SHROOM4: variants seen among roughly 807,000 people sequenced by gnomAD.
SHROOM4 encodes the protein shroom family member 4, also known as protein Shroom4.
SHROOM4 carries 17 observed loss-of-function variants against 80.3 expected under a neutral mutation model. That is an observed-to-expected ratio of 0.21 (90% CI 0.14 to 0.32). The LOEUF (loss-of-function observed/expected upper bound fraction) is 0.32. Among genes scored for constraint, SHROOM4 ranks in the 10% least tolerant of loss-of-function variants. The pLI, the probability that SHROOM4 is intolerant of heterozygous loss-of-function variation, is 1.00. For synonymous variants in SHROOM4, 400 were observed against 437.5 expected (o/e 0.91, Z 1.07); for missense variants, 993 against 1,140.3 (o/e 0.87, Z 1.86).
At chrX:50,656,352 C>G (rs1229807757) in intron 2 of SHROOM4, among the ~76,000 whole-genome samples, 1 of 111,835 alleles carries the variant, frequency 8.9e-6, no homozygotes, top group Non-Finnish European at 1.9e-5. Flanking sequence ...AAAAGCTTTT[C>G]CATATGTTTC....
chrX:50,643,910 A>G lies in SHROOM4; in HGVS notation c.270-5602T>C, dbSNP rs782211034. Among the ~76,000 whole-genome samples the G allele has an allele frequency of 2.0e-3, 223 of 113,031 alleles. 2 individuals are homozygous for G. Among genetic ancestry groups the G allele is most frequent in the Admixed American group, 5.4e-3 (58 of 10,765 alleles). ...AGAGAGAAAAATACCCCAGACACAT[A>G]CACTTAAAAGAATTCCTGTGCTTCC... On this transcript the variant is annotated intron_variant, in intron 2 of 8. Transcript: ENST00000376020.
At position 50,633,881 on chromosome X, in the gene SHROOM4, T is replaced by C. The variant is rs144727288; in HGVS notation, c.2192A>G (p.Glu731Gly). 2.3e-3 allele frequency: 2,735 copies of C among 1,210,477 alleles called. 6 individuals are homozygous for C. The highest frequency in any genetic ancestry group is 2.7e-3 in the Non-Finnish European group (2,456 of 895,337). Residue 731 changes from glutamate to glycine, a missense_variant, in exon 4 of 9, where the codon GAG (glutamate) becomes GGG (glycine). Transcript: ENST00000376020. Reference sequence around the variant, plus strand: ...TGCCACAAGTGGCTGTGAATTATGCTCTGGAGACCATCTCCAATGACCTCC... The same window carrying C: ...TGCCACAAGTGGCTGTGAATTATGCCCTGGAGACCATCTCCAATGACCTCC... Reference protein sequence around the residue: ...VRGGHWRWSPEHNSQPLVAAA... With the variant: ...VRGGHWRWSPGHNSQPLVAAA...
chrX:50,716,893 C>A (rs1933968366), intron 1 of SHROOM4, among the ~76,000 whole-genome samples: 1 of 112,654 alleles, frequency 8.9e-6, no homozygotes, highest in African/African-American at 3.2e-5. Context: ...AATCTTAAAG[C>A]CTGCCTCTTC....
intron 2 of SHROOM4, among the ~76,000 whole-genome samples, chrX:50,670,925 T>C (rs1446354568): frequency 1.8e-5 from 2 of 111,972 alleles, no homozygotes; most frequent in Non-Finnish European, 3.8e-5. Context: ...GGAGTGTCTG[T>C]TGATATCTTT....
chrX:50,758,674 C>A (rs1199243126), intron 1 of SHROOM4, among the ~76,000 whole-genome samples: 1 of 111,848 alleles, frequency 8.9e-6, no homozygotes, highest in African/African-American at 3.2e-5. Context: ...CTATAGTTTT[C>A]TTTTCTTGTA....
At chrX:50,715,308 C>T (rs1215234379) in intron 1 of SHROOM4, among the ~76,000 whole-genome samples, 1 of 111,048 alleles carries the variant, frequency 9.0e-6, no homozygotes, top group Non-Finnish European at 1.9e-5. Context: ...GTGTCCCCTG[C>T]TCTACTGGGC....
At chrX:50,737,424 A>G (rs1934521984) in intron 1 of SHROOM4, among the ~76,000 whole-genome samples, 1 of 111,739 alleles carries the variant, frequency 8.9e-6, no homozygotes, top group Admixed American at 9.5e-5. Flanking sequence ...CAGATTGGAT[A>G]AGAAAACAAG....
intron 2 of SHROOM4, among the ~76,000 whole-genome samples, chrX:50,671,257 A>G (rs782193917): frequency 9.0e-6 from 1 of 111,668 alleles, no homozygotes; most frequent in Non-Finnish European, 1.9e-5. Context: ...GGATTTTTGG[A>G]ATGGTAAATG....
intron 1 of SHROOM4, among the ~76,000 whole-genome samples, chrX:50,795,187 C>A (rs1557272027): frequency 8.9e-5 from 7 of 79,049 alleles, no homozygotes; most frequent in Admixed American, 4.6e-4. Flanking sequence ...TATATAAAAC[C>A]ATGGATAACA....
intron 1 of SHROOM4, among the ~76,000 whole-genome samples, chrX:50,772,141 A>C (rs1935408484): frequency 1.8e-5 from 2 of 110,978 alleles, no homozygotes; most frequent in South Asian, 7.6e-4. Flanking sequence ...TTTCTTCTTT[A>C]AACTTCTGTG....
intron 3 of SHROOM4, 33 bp from the exon 4 acceptor site, chrX:50,635,701 G>A (rs782288972): frequency 2.0e-5 from 23 of 1,173,007 alleles, no homozygotes; most frequent in South Asian, 5.5e-5. Context: ...GTTAGTTAGC[G>A]AAGTCATGGC....
In SHROOM4 at chrX:50,681,783, C is replaced by T. The variant is rs141165622; in HGVS notation, c.269+14003G>A. Among the ~76,000 whole-genome samples the T allele has an allele frequency of 2.5e-4, 28 of 112,282 alleles. No homozygotes were observed. The East Asian group carries it at 7.8e-3, about 31-fold the overall frequency. ...AGGCTATTTTGTTCACTGATATACC[C>T]CCAGTTCCTAAAATAGTACCCGACA... On this transcript the variant is annotated intron_variant, in intron 2 of 8. Transcript: ENST00000376020.
intron 6 of SHROOM4, among the ~76,000 whole-genome samples, chrX:50,606,170 C>T (rs1448823263): frequency 3.8e-5 from 4 of 106,579 alleles, no homozygotes; most frequent in South Asian, 4.3e-4. Flanking sequence ...CATGCTGGTG[C>T]GCTGCACCCA....
At chrX:50,739,412 A>C (rs1334035252) in intron 1 of SHROOM4, among the ~76,000 whole-genome samples, 2 of 111,584 alleles carry the variant, frequency 1.8e-5, no homozygotes, top group African/African-American at 6.5e-5. Context: ...GAATGGGAGA[A>C]AATTTTTGCA....
intron 2 of SHROOM4, among the ~76,000 whole-genome samples, chrX:50,659,331 G>A (rs12010533): frequency 2.7e-5 from 3 of 111,033 alleles, no homozygotes; most frequent in Non-Finnish European, 5.7e-5. Flanking sequence ...ATAATGCAGG[G>A]ATAGAGTAGA....
At chrX:50,681,548 A>T (rs1168598018) in intron 2 of SHROOM4, among the ~76,000 whole-genome samples, 1 of 111,769 alleles carries the variant, frequency 8.9e-6, no homozygotes, top group African/African-American at 3.3e-5. Flanking sequence ...TCTTGGTTCA[A>T]ATATCTTCAT....
chrX:50,679,568 T>C (rs1321260540), intron 2 of SHROOM4, among the ~76,000 whole-genome samples: 1 of 111,819 alleles, frequency 8.9e-6, no homozygotes, highest in Non-Finnish European at 1.9e-5. Context: ...TGTATTTTTA[T>C]AGATACATAA....
rs1557255220 is a variant in SHROOM4, at chrX:50,634,523, C to G, written c.1550G>C (p.Arg517Thr). 1 of 1,211,652 alleles carries G rather than the reference C, an allele frequency of 8.3e-7. No homozygotes were observed. The highest frequency in any genetic ancestry group is 1.1e-6 in the Non-Finnish European group (1 of 895,551). Reference sequence around the variant, plus strand: ...CTGGTTGGCCAATTCACTGGCTGCTCTGCTTGTTCTGTTTGGGTCCAGGAA... The same window carrying G: ...CTGGTTGGCCAATTCACTGGCTGCTGTGCTTGTTCTGTTTGGGTCCAGGAA... The part of the protein sequence containing the change: ...KGFLDPNRTS[R>T]AASELANQQP... Residue 517 changes from arginine (R) to threonine (T), a missense_variant, in exon 4 of 9, where the codon AGA becomes ACA. By Grantham distance (71) the Arg-to-Thr change is moderately conservative. Coordinates refer to ENST00000376020, the MANE Select transcript of SHROOM4 (RefSeq NM_020717.5).
intron 1 of SHROOM4, among the ~76,000 whole-genome samples, chrX:50,723,679 T>C (rs944696435): frequency 1.1e-4 from 12 of 111,232 alleles, no homozygotes; most frequent in Admixed American, 2.8e-4. Context: ...TCTGAGCCCA[T>C]GGTAACTCTT....
Sources: allele counts gnomAD v4.1 joint callset (sites outside exome capture counted in the v4.1 genomes callset), GRCh38; gene constraint gnomAD v4.1.1; transcripts MANE v1.5; gene names NCBI Gene and HGNC (gene_info 2026-07-23, HGNC 2026-07-21).